Variants in SYNRG observed in about 807,000 individuals in gnomAD.
SYNRG encodes the protein AP1 gamma subunit binding protein 1.
SYNRG carries 37 observed loss-of-function variants against 130.9 expected under a neutral mutation model. That is an observed-to-expected ratio of 0.28 (90% CI 0.22 to 0.37). SYNRG has a LOEUF of 0.37. Ranked by LOEUF, SYNRG falls within the 10% of genes least tolerant of loss-of-function variation. The pLI, the probability that SYNRG is intolerant of heterozygous loss-of-function variation, is 1.00. For missense variants in SYNRG, 1,338 were observed against 1,588.9 expected (o/e 0.84, Z 2.68); for synonymous variants, 539 against 568.1 (o/e 0.95, Z 0.73).
chr17:37,606,242 C>T (rs1212422312), intron 1 of SYNRG, among the ~76,000 whole-genome samples: 4 of 152,172 alleles, frequency 2.6e-5, no homozygotes, highest in African/African-American at 9.7e-5. Context: ...ATCTCTGTGA[C>T]GATCTCTTGA....
chr17:37,567,921 C>T (rs964091878), intron 11 of SYNRG: 1 of 152,020 alleles, frequency 6.6e-6, no homozygotes, highest in Non-Finnish European at 1.5e-5. Flanking sequence ...TTTAAAATGC[C>T]GTCTGGGCAT....
chr17:37,569,877 T>C (rs2060288673), intron 10 of SYNRG, among the ~76,000 whole-genome samples: 2 of 152,184 alleles, frequency 1.3e-5, no homozygotes, highest in African/African-American at 2.4e-5. Flanking sequence ...TATATTGCTC[T>C]ATACTTTAAC....
In SYNRG at chr17:37,520,661, C is replaced by A. The variant is rs2054894237; in HGVS notation, c.3667-13G>T. 2.5e-6 allele frequency: 4 copies of A among 1,609,950 alleles called. No individual in the cohort carries two copies. The highest frequency in any genetic ancestry group is 1.7e-5 in the Admixed American group (1 of 59,990). ...AGTTTTCATCTGGCTGTGAGGACGA[C>A]AAGACAAATGGGTAAGAAGTCCACA... is the stretch of plus-strand genomic sequence containing the variant. On this transcript the variant is annotated splice_polypyrimidine_tract_variant and intron_variant, in intron 19 of 21. Coordinates refer to ENST00000612223, the MANE Select transcript of SYNRG (RefSeq NM_007247.6).
intron 14 of SYNRG, among the ~76,000 whole-genome samples, chr17:37,550,385 A>C (rs1392695919): frequency 6.6e-6 from 1 of 152,260 alleles, no homozygotes; most frequent in African/African-American, 2.4e-5. Flanking sequence ...TTGACGAAAC[A>C]AAACAAAAGG....
At position 37,542,529 on chromosome 17, in the gene SYNRG, T is replaced by C. The variant is rs1192678083; in HGVS notation, c.2645A>G (p.Tyr882Cys). The C allele has an allele frequency of 2.5e-6, 4 of 1,612,582 alleles. No homozygotes were observed. The South Asian group carries it at 4.4e-5, about 18-fold the overall frequency. ...TGTGCTCACTGCAAAATTGCTACTGTAGCTTCCAAAAGCAGCATATTTTAA... is the reference window on the plus strand; with the variant it reads ...TGTGCTCACTGCAAAATTGCTACTGCAGCTTCCAAAAGCAGCATATTTTAA... ...EDLKYAAFGSYSSNFAVSTLT... is the reference protein window; with the variant it reads ...EDLKYAAFGSCSSNFAVSTLT... The change falls in exon 15 of 22, where the codon TAC (tyrosine) becomes TGC (cysteine). Residue 882 changes from tyrosine to cysteine, a missense_variant. Physicochemically the swap from Tyr to Cys is radical, Grantham distance 194. Around this residue, in one of 3 missense-constraint regions of SYNRG, gnomAD observed 1,146 missense variants for 1,342.3 expected, o/e 0.85. Transcript: ENST00000612223.
chr17:37,576,185 G>A (rs892930345), intron 8 of SYNRG, among the ~76,000 whole-genome samples, 156 bp downstream of exon 8: 2 of 152,040 alleles, frequency 1.3e-5, no homozygotes, highest in Non-Finnish European at 2.9e-5. Context: ...TATGAAACAC[G>A]ACATTTATTT....
chr17:37,596,195 G>C, intron 3 of SYNRG, 28 bp downstream of exon 3: 1 of 1,610,650 alleles, frequency 6.2e-7, no homozygotes. Flanking sequence ...CAATAACTTT[G>C]TAAGAAACCA....
At chr17:37,603,116 A>T (rs1271950588) in intron 1 of SYNRG, among the ~76,000 whole-genome samples, 2 of 152,220 alleles carry the variant, frequency 1.3e-5, no homozygotes, top group Non-Finnish European at 2.9e-5. Context: ...CCTGGAAAGA[A>T]AAAGGGACAA....
intron 3 of SYNRG, among the ~76,000 whole-genome samples, chr17:37,590,691 T>C (rs956060731): frequency 2.1e-4 from 32 of 151,068 alleles, no homozygotes; most frequent in Non-Finnish European, 4.0e-4. Context: ...GAGGCAGAGG[T>C]GGGTGGATTG....
At chr17:37,608,733 A>T (rs1369257597) in intron 1 of SYNRG, among the ~76,000 whole-genome samples, 1 of 152,206 alleles carries the variant, frequency 6.6e-6, no homozygotes, top group Non-Finnish European at 1.5e-5. Flanking sequence ...ACTAATTCAG[A>T]GGTCTTTAGA....
At chr17:37,594,421 C>T (rs1321422119) in intron 3 of SYNRG, among the ~76,000 whole-genome samples, 1 of 145,928 alleles carries the variant, frequency 6.9e-6, no homozygotes, top group Non-Finnish European at 1.5e-5. Flanking sequence ...ACATTGTATT[C>T]TATGGTAGAT....
At chr17:37,566,013 GGGGGTCA>G (rs1339315587) in intron 11 of SYNRG, among the ~76,000 whole-genome samples, 1 of 149,102 alleles carries the variant, frequency 6.7e-6, no homozygotes, top group Non-Finnish European at 1.5e-5. Context: ...AGGGAGGTGG[GGGGGTCA>G]GCCCCCCGCC....
chr17:37,580,510 T>TGTGTGTGTGTGTGTGTGTGTGTGA (rs1384344164), intron 6 of SYNRG, among the ~76,000 whole-genome samples: 85 of 127,706 alleles, frequency 6.7e-4, no homozygotes, highest in African/African-American at 3.0e-3. Flanking sequence ...TGTGTGTGTG[T>TGTGTGTGTGTGTGTGTGTGTGTGA]GAGAGAGAGA....
chr17:37,604,307 T>C (rs903985102), intron 1 of SYNRG, among the ~76,000 whole-genome samples: 1 of 152,202 alleles, frequency 6.6e-6, no homozygotes, highest in African/African-American at 2.4e-5. Context: ...TTAGCTCTTC[T>C]GAATAACTTG....
intron 13 of SYNRG, among the ~76,000 whole-genome samples, chr17:37,555,025 ATTTG>A (rs2059004536): frequency 6.6e-6 from 1 of 152,012 alleles, no homozygotes; most frequent in Non-Finnish European, 1.5e-5. Context: ...TGTGTCTCAG[ATTTG>A]TTTATTTTTA....
chr17:37,520,062 C>T, intron 21 of SYNRG, 117 bp downstream of exon 21: 1 of 1,126,154 alleles, frequency 8.9e-7, no homozygotes, highest in Non-Finnish European at 1.3e-6. Flanking sequence ...AAAACTGACT[C>T]AGTGAAGGAT....
intron 14 of SYNRG, among the ~76,000 whole-genome samples, chr17:37,547,416 C>G (rs529403213): frequency 7.9e-5 from 12 of 151,264 alleles, no homozygotes; most frequent in Middle Eastern, 3.5e-3. Context: ...TAGGATTTAG[C>G]ACAGGTTTTT....
Position 37,577,490 on chromosome 17 carries a change from T to C in SYNRG, c.713A>G (p.Tyr238Cys), listed in dbSNP as rs2060930064. 3 of 1,614,094 alleles carry C rather than the reference T, an allele frequency of 1.9e-6. No individual in the cohort carries two copies. Among genetic ancestry groups the C allele is most frequent in the Non-Finnish European group, 2.5e-6 (3 of 1,180,052 alleles). Residue 238 changes from tyrosine to cysteine, a missense_variant, in exon 7 of 22, where the codon TAT becomes TGT. Coordinates refer to ENST00000612223, the MANE Select transcript of SYNRG (RefSeq NM_007247.6). ...CCCGTTACTGGCCATTAAACTGGGA[T>C]ACTTCTTACTGGAACCTGGGCCTAG... ...KALGPGSSKK[Y>C]PSLMASNGVA...
At position 37,540,434 on chromosome 17, in the gene SYNRG, C is replaced by T. The variant is rs146507889; in HGVS notation, c.3312G>A (p.Lys1104=). ...TGTCTCGGATGACGGGCAGGGCGGG[C>T]TTCTCATTCAGAGTATTGGAACGGT... ...FRDRSNTLNE[K]PALPVIRDKY... Residue 1104 remains lysine, a synonymous_variant, in exon 16 of 22, where the codon AAG becomes AAA. Transcript: ENST00000612223. 2.7e-4 allele frequency: 441 copies of T among 1,613,816 alleles called. 1 individual carries two copies. The highest frequency in any genetic ancestry group is 3.6e-4 in the Non-Finnish European group (419 of 1,179,930).
Sources: allele counts gnomAD v4.1 joint callset (sites outside exome capture counted in the v4.1 genomes callset), GRCh38; gene constraint gnomAD v4.1.1; regional missense constraint gnomAD v4.1.1; transcripts MANE v1.5; gene names NCBI Gene and HGNC (gene_info 2026-07-23, HGNC 2026-07-21).